SMAP1: variants seen among roughly 807,000 people sequenced by gnomAD.
The protein encoded by SMAP1 is small ArfGAP 1, also known as stromal membrane-associated protein 1.
A neutral mutation model predicts 58.5 loss-of-function variants in SMAP1; 24 were observed. That is an observed-to-expected ratio of 0.41 (90% CI 0.30 to 0.58). The LOEUF (loss-of-function observed/expected upper bound fraction) is 0.58. Ranked by LOEUF, SMAP1 falls within the 20% of genes least tolerant of loss-of-function variation. The pLI is 0.29. For missense variants in SMAP1, 563 were observed against 566.3 expected (o/e 0.99, Z 0.06); for synonymous variants, 216 against 196.6 (o/e 1.10, Z -0.82).
At chr6:70,708,612 CCTTT>C (rs1477753313) in intron 1 of SMAP1, among the ~76,000 whole-genome samples, 7 of 152,140 alleles carry the variant, frequency 4.6e-5, no homozygotes, top group African/African-American at 1.2e-4. Context: ...TTTCTCTACA[CCTTT>C]CTAACACTTG....
chr6:70,770,455 T>A (rs989763285), intron 3 of SMAP1, among the ~76,000 whole-genome samples: 2 of 152,208 alleles, frequency 1.3e-5, no homozygotes, highest in Non-Finnish European at 2.9e-5. Flanking sequence ...TTTCTTTTTA[T>A]TCTTTTTTCT....
intron 7 of SMAP1, among the ~76,000 whole-genome samples, chr6:70,846,585 CCTGA>C (rs1179058445): frequency 6.6e-6 from 1 of 152,158 alleles, no homozygotes; most frequent in Non-Finnish European, 1.5e-5. Flanking sequence ...AGTTGGTAGG[CCTGA>C]CTGACCCGCT....
At chr6:70,753,159 G>A (rs1766346703) in intron 2 of SMAP1, among the ~76,000 whole-genome samples, 1 of 151,282 alleles carries the variant, frequency 6.6e-6, no homozygotes, top group African/African-American at 2.4e-5. Context: ...CCACTTTACG[G>A]ACCAATAAGA....
chr6:70,798,550 T>C, intron 5 of SMAP1, 107 bp from the exon 6 acceptor site: 2 of 786,862 alleles, frequency 2.5e-6, no homozygotes, highest in East Asian at 2.8e-5. Context: ...TTGTAATTAC[T>C]GAATATTTCT....
chr6:70,748,517 T>A (rs570622216), intron 2 of SMAP1, among the ~76,000 whole-genome samples: 1 of 152,254 alleles, frequency 6.6e-6, no homozygotes, highest in Non-Finnish European at 1.5e-5. Flanking sequence ...GAGTGTAAGA[T>A]CTGCTTGGAT....
intron 1 of SMAP1, among the ~76,000 whole-genome samples, chr6:70,696,360 CT>C (rs1458310221): frequency 1.3e-5 from 2 of 151,964 alleles, no homozygotes; most frequent in African/African-American, 4.8e-5. Context: ...AAGTCTTCTG[CT>C]TTTTTAGTGT....
intron 7 of SMAP1, among the ~76,000 whole-genome samples, chr6:70,847,138 C>T (rs543930087): frequency 3.3e-5 from 5 of 152,234 alleles, no homozygotes; most frequent in African/African-American, 1.2e-4. Context: ...GGATTATTGG[C>T]GTCAGATGAA....
chr6:70,774,923 T>C (rs981861102), intron 4 of SMAP1, among the ~76,000 whole-genome samples: 89 of 151,520 alleles, frequency 5.9e-4, no homozygotes, highest in African/African-American at 2.1e-3. Context: ...TGAGGCAGAG[T>C]TGCTTGCATC....
In SMAP1 at chr6:70,732,381, C is replaced by T. The variant is rs1269801271; in HGVS notation, c.122C>T (p.Pro41Leu). ...GTGGTTTCTTCTTCTAAATTAGGTC[C>T]TCGATGGGCTTCCTGGAATATTGGT... ...KYCADCEAKGPRWASWNIGVF... is the reference protein window; with the variant it reads ...KYCADCEAKGLRWASWNIGVF... The change falls in exon 2 of 11, where the codon CCT (proline) becomes CTT (leucine). Residue 41 changes from proline to leucine, a missense_variant. Transcript: ENST00000370455. The T allele has an allele frequency of 6.2e-7, 1 of 1,603,802 alleles. No individual in the cohort carries two copies. Among genetic ancestry groups the T allele is most frequent in the Non-Finnish European group, 8.5e-7 (1 of 1,175,764 alleles).
chr6:70,793,097 C>G (rs1428210803), intron 5 of SMAP1, among the ~76,000 whole-genome samples: 1 of 152,014 alleles, frequency 6.6e-6, no homozygotes, highest in African/African-American at 2.4e-5. Context: ...TGCAGTGGCG[C>G]GATCTCGGCT....
intron 2 of SMAP1, among the ~76,000 whole-genome samples, chr6:70,743,176 A>G (rs958506288): frequency 1.3e-5 from 2 of 152,216 alleles, no homozygotes; most frequent in East Asian, 3.9e-4. Context: ...TGGACTCCCC[A>G]TTAGTTGCAG....
chr6:70,858,760 T>A (rs1771557342), intron 10 of SMAP1: 1 of 152,834 alleles, frequency 6.5e-6, no homozygotes, highest in Non-Finnish European at 1.5e-5. Context: ...GTAAAAATTC[T>A]TTTTGTTGAG....
chr6:70,725,143 G>A (rs1768717788), intron 1 of SMAP1, among the ~76,000 whole-genome samples: 1 of 91,644 alleles, frequency 1.1e-5, no homozygotes, highest in South Asian at 3.5e-4. Flanking sequence ...TTGAGACGGA[G>A]TCTCGCTCTG....
chr6:70,793,458 A>G (rs562714865), intron 5 of SMAP1, among the ~76,000 whole-genome samples: 1 of 152,260 alleles, frequency 6.6e-6, no homozygotes, highest in East Asian at 1.9e-4. Flanking sequence ...TTAGTAGATG[A>G]TGGTGCCAAT....
intron 3 of SMAP1, among the ~76,000 whole-genome samples, chr6:70,768,325 G>C (rs1052829523): frequency 3.3e-5 from 5 of 152,182 alleles, no homozygotes; most frequent in African/African-American, 1.2e-4. Context: ...AGAAGGAATG[G>C]TGCCAGTTCC....
intron 1 of SMAP1, among the ~76,000 whole-genome samples, chr6:70,670,255 A>G (rs1766208560): frequency 6.6e-6 from 1 of 152,204 alleles, no homozygotes; most frequent in South Asian, 2.1e-4. Flanking sequence ...ATAATTTACA[A>G]GGATTATTTT....
chr6:70,817,641 G>A (rs567129990), intron 6 of SMAP1, among the ~76,000 whole-genome samples: 2 of 152,196 alleles, frequency 1.3e-5, no homozygotes, highest in South Asian at 4.2e-4. Flanking sequence ...CTTTGTGATT[G>A]TACTTCTGAG....
At chr6:70,675,898 A>G (rs893965033) in intron 1 of SMAP1, among the ~76,000 whole-genome samples, 1 of 152,174 alleles carries the variant, frequency 6.6e-6, no homozygotes, top group African/African-American at 2.4e-5. Context: ...TTGTATAATA[A>G]ATATGGTTTA....
intron 2 of SMAP1, among the ~76,000 whole-genome samples, chr6:70,753,199 A>G (rs1277430164): frequency 6.6e-6 from 1 of 152,198 alleles, no homozygotes; most frequent in African/African-American, 2.4e-5. Flanking sequence ...GACACCATCA[A>G]TTGTGAGATG....
Sources: gnomAD v4.1 joint callset for allele counts (sites outside exome capture counted in the v4.1 genomes callset) on GRCh38, gnomAD v4.1.1 for gene constraint, MANE v1.5 for transcripts, NCBI Gene and HGNC (gene_info 2026-07-23, HGNC 2026-07-21) for gene names.